The following NLRC4 variants were observed in gnomAD, a reference collection of about 807,000 sequenced individuals.
NLRC4 encodes the protein NLR family CARD domain containing 4.
A neutral mutation model predicts 79.9 loss-of-function variants in NLRC4; 63 were observed. The ratio of observed to expected loss-of-function variants is 0.79; its 90% confidence interval spans 0.64 to 0.97. The LOEUF (loss-of-function observed/expected upper bound fraction) is 0.97, where lower values mean the gene tolerates loss of function less well. Ranked by LOEUF, NLRC4 falls within the 50% of genes least tolerant of loss-of-function variation. The probability of loss-of-function intolerance (pLI) is 0.00; values close to 1 mark genes in which losing one functional copy is unlikely to be tolerated. For missense variants in NLRC4, 1,074 were observed against 1,215.2 expected (o/e 0.88, Z 1.73); for synonymous variants, 461 against 456.5 (o/e 1.01, Z -0.12).
chr2:32,253,736 G>A (rs1038833654), intron 2 of NLRC4, among the ~76,000 whole-genome samples: 6 of 152,006 alleles, frequency 3.9e-5, no homozygotes, highest in African/African-American at 9.6e-5. Context: ...AGGCCAAGGC[G>A]GGCGGATCAC....
At position 32,238,318 on chromosome 2, in the gene NLRC4, A is replaced by C; in HGVS notation, c.2351-16T>G. The C allele has an allele frequency of 6.2e-7, 1 of 1,603,472 alleles. No individual in the cohort carries two copies. Among genetic ancestry groups the C allele is most frequent in the East Asian group, 2.2e-5 (1 of 44,452 alleles). On this transcript the variant is annotated splice_polypyrimidine_tract_variant and intron_variant, in intron 5 of 8. Transcript: ENST00000402280. The stretch of plus-strand genomic sequence containing the variant: ...AGGCCTTCAGCTGAAAAATGATAGA[A>C]AGGAATGCATTAGGATACCAAGTTA...
intron 5 of NLRC4, 71 bp downstream of exon 5, chr2:32,240,962 G>A (rs1686785692): frequency 3.2e-6 from 3 of 944,604 alleles, no homozygotes; most frequent in Non-Finnish European, 5.1e-6. Context: ...CACAGCCAAT[G>A]TCAGAGCCTG....
At chr2:32,244,553 A>T (rs494569) in intron 4 of NLRC4, among the ~76,000 whole-genome samples, 94,792 of 151,784 alleles carry the variant, frequency 0.62, 29,833 homozygotes, top group African/African-American at 0.67. Context: ...GCAAAAAAAA[A>T]AAATAAATAA....
Position 32,256,790 on chromosome 2 carries a change from G to A in NLRC4, c.-15C>T. The A allele has an allele frequency of 1.3e-6, 1 of 780,912 alleles. No homozygotes were observed. The highest frequency in any genetic ancestry group is 1.7e-5 in the Admixed American group (1 of 59,026). The allele number at this position is 780,912 out of a possible 1,614,324, so 48.4% of individuals were successfully genotyped here. On this transcript the variant is annotated 5_prime_UTR_variant, in exon 2 of 9. Coordinates refer to ENST00000402280, the MANE Select transcript of NLRC4 (RefSeq NM_001199138.2). Reference sequence around the variant, plus strand: ...ATATACTTACTTGTTCTGGATGAAAGCTTCCCACCTTTCTATAACACAATA... The same window carrying A: ...ATATACTTACTTGTTCTGGATGAAAACTTCCCACCTTTCTATAACACAATA...
intron 8 of NLRC4, among the ~76,000 whole-genome samples, chr2:32,225,408 GATGT>G (rs1158696336): frequency 4.2e-5 from 3 of 71,012 alleles, no homozygotes; most frequent in African/African-American, 6.0e-5. Flanking sequence ...ACATACAAAG[GATGT>G]GTGTGTGTGT....
At chr2:32,260,082 A>C (rs1687304271) in intron 1 of NLRC4, among the ~76,000 whole-genome samples, 1 of 151,648 alleles carries the variant, frequency 6.6e-6, no homozygotes, top group Admixed American at 6.6e-5. Flanking sequence ...TACAAAAATT[A>C]CCCGGGCATG....
intron 2 of NLRC4, among the ~76,000 whole-genome samples, chr2:32,253,686 C>T (rs945080868): frequency 1.3e-5 from 2 of 151,202 alleles, no homozygotes; most frequent in African/African-American, 2.4e-5. Flanking sequence ...TGCTGCTGGC[C>T]GGGTGCGGTG....
chr2:32,235,750 G>A (rs955627908), intron 7 of NLRC4, among the ~76,000 whole-genome samples, 182 bp from the exon 8 acceptor site: 4 of 128,858 alleles, frequency 3.1e-5, no homozygotes, highest in African/African-American at 1.1e-4. Context: ...CAAACATTAT[G>A]CAGAAGAATA....
intron 1 of NLRC4, among the ~76,000 whole-genome samples, chr2:32,262,334 G>A (rs1687372510): frequency 6.6e-6 from 1 of 152,180 alleles, no homozygotes; most frequent in Non-Finnish European, 1.5e-5. Flanking sequence ...ATCCCTGACT[G>A]GGTCAAAGTT....
At chr2:32,243,267 G>A (rs1183690224) in intron 4 of NLRC4, among the ~76,000 whole-genome samples, 1 of 150,454 alleles carries the variant, frequency 6.6e-6, no homozygotes, top group Non-Finnish European at 1.5e-5. Context: ...AAAATCAGCT[G>A]GGTGTAGTGG....
At chr2:32,245,016 A>G (rs1264729445) in intron 4 of NLRC4, among the ~76,000 whole-genome samples, 2 of 151,856 alleles carry the variant, frequency 1.3e-5, no homozygotes, top group Non-Finnish European at 2.9e-5. Context: ...TTATGTAGAA[A>G]ATGGGATTAT....
At chr2:32,254,905 A>G (rs1687170010) in intron 2 of NLRC4, among the ~76,000 whole-genome samples, 1 of 151,778 alleles carries the variant, frequency 6.6e-6, no homozygotes, top group African/African-American at 2.4e-5. Flanking sequence ...GGCATGAGCC[A>G]CCGCACCTGG....
rs141102686 is a variant in NLRC4 at position 32,250,550 on chromosome 2, C to T, written c.1314G>A (p.Lys438=). 1.2e-5 allele frequency: 19 copies of T among 1,614,206 alleles called. No individual in the cohort carries two copies. Among genetic ancestry groups the T allele is most frequent in the Non-Finnish European group, 1.6e-5 (19 of 1,180,040 alleles). ...CKYTAQRFKP[K]YKFFHKSFQE... ...GGAATGACTTGTGAAAGAATTTATACTTTGGCTTGAACCTTTGAGCTGTAT... is the reference window on the plus strand; with the variant it reads ...GGAATGACTTGTGAAAGAATTTATATTTTGGCTTGAACCTTTGAGCTGTAT... The change falls in exon 4 of 9, where the codon AAG becomes AAA. Residue 438 remains lysine, a synonymous_variant. Coordinates refer to ENST00000402280, the MANE Select transcript of NLRC4 (RefSeq NM_001199138.2). This position sits in a 1 kb window ranked among gnomAD's most constrained non-coding sequence, Gnocchi z 4.9.
At chr2:32,241,272 A>G (rs1686792778) in intron 4 of NLRC4, 147 bp from the exon 5 acceptor site, 2 of 601,118 alleles carry the variant, frequency 3.3e-6, no homozygotes, top group South Asian at 3.8e-5. Flanking sequence ...ATAAAAATAT[A>G]CTTTTTATAA....
Position 32,236,269 on chromosome 2 carries a change from T to C in NLRC4, c.2592A>G (p.Gly864=), listed in dbSNP as rs142289215. ...TACTCAGTTCATGAAGAGCTTCATT[T>C]CCATCTTTTTCCAGGTAATTTTCTG... ...DLSENYLEKD[G]NEALHELIDR... The change falls in exon 7 of 9, where the codon GGA becomes GGG. Residue 864 remains glycine, a synonymous_variant. Transcript: ENST00000402280. 7.5e-6 allele frequency: 12 copies of C among 1,609,660 alleles called. No individual in the cohort carries two copies. The African/African-American group carries it at 1.3e-4, about 18-fold the overall frequency.
rs1416584372 is a variant in NLRC4, at chr2:32,235,379, GGCTCT to G, written c.2782+17_2782+21del. ...TTTAAGGGCCAAATCCAGTTATCTT[GGCTCT>G]GTATGTGTGTACCTACCTAAAATTC... On this transcript the variant is annotated intron_variant, in intron 8 of 8. Coordinates refer to ENST00000402280, the MANE Select transcript of NLRC4 (RefSeq NM_001199138.2). The G allele has an allele frequency of 1.3e-6, 2 of 1,586,530 alleles. No individual in the cohort carries two copies. The highest frequency in any genetic ancestry group is 1.7e-5 in the Admixed American group (1 of 59,694).
At chr2:32,263,784 T>C (rs1687405211) in intron 1 of NLRC4, among the ~76,000 whole-genome samples, 1 of 152,194 alleles carries the variant, frequency 6.6e-6, no homozygotes. Context: ...CAGTCTATGG[T>C]ATTTTAAACA....
chr2:32,261,211 A>C (rs866235164), intron 1 of NLRC4, among the ~76,000 whole-genome samples: 9 of 147,224 alleles, frequency 6.1e-5, no homozygotes, highest in Non-Finnish European at 1.3e-4. Flanking sequence ...AACAACAACA[A>C]CACCATGTAT....
intron 1 of NLRC4, among the ~76,000 whole-genome samples, chr2:32,261,818 C>G (rs915711731): frequency 6.6e-6 from 1 of 151,818 alleles, no homozygotes; most frequent in African/African-American, 2.4e-5. Context: ...CGCGGTGGCT[C>G]ACGCCTGTAA....
Sources: allele counts gnomAD v4.1 joint callset (sites outside exome capture counted in the v4.1 genomes callset), GRCh38; gene constraint gnomAD v4.1.1; non-coding constraint Gnocchi (gnomAD v3.1); transcripts MANE v1.5; gene names NCBI Gene and HGNC (gene_info 2026-07-23, HGNC 2026-07-21).